Variants in PCDHGB6 observed in about 807,000 individuals in gnomAD.
The protein encoded by PCDHGB6 is protocadherin gamma-B6.
PCDHGB6 carries 51 observed loss-of-function variants against 59.1 expected under a neutral mutation model. The ratio of observed to expected loss-of-function variants is 0.86; its 90% CI spans 0.69 to 1.09. The LOEUF (loss-of-function observed/expected upper bound fraction) is 1.09. Ranked by LOEUF, PCDHGB6 falls within the 50% of genes least tolerant of loss-of-function variation. The pLI is 0.00. For missense variants in PCDHGB6, 1,148 were observed against 1,205.1 expected, an observed-to-expected ratio of 0.95 and a Z score of 0.70; for synonymous variants, 466 against 495.1, an observed-to-expected ratio of 0.94 and a Z score of 0.78.
chr5:141,506,165 C>T (rs1359711670), intron 3 of PCDHGB6, among the ~76,000 whole-genome samples: 8 of 152,038 alleles, frequency 5.3e-5, no homozygotes, highest in South Asian at 2.1e-4. Context: ...AAGAGCACAG[C>T]CTAAGCTGGG....
chr5:141,460,741 A>C (rs1378900827), intron 1 of PCDHGB6, among the ~76,000 whole-genome samples: 1 of 152,128 alleles, frequency 6.6e-6, no homozygotes, highest in African/African-American at 2.4e-5. Flanking sequence ...CACATTGTAT[A>C]TATATGTGTA....
rs2097461148 is a variant in PCDHGB6 at position 141,432,174 on chromosome 5, T to C, written c.2418+21554T>C. ...AACAATCCCAGAGGAGTTTCCCTCGTCTCTGTGACCGCCCACGACCCCGAC... is the reference window on the plus strand; with the variant it reads ...AACAATCCCAGAGGAGTTTCCCTCGCCTCTGTGACCGCCCACGACCCCGAC... On this transcript the variant is annotated intron_variant, in intron 1 of 3. Transcript: ENST00000520790. The surrounding 1 kb of genome is among the most constrained non-coding windows in gnomAD (Gnocchi z 6.0). 1 of 1,614,088 alleles carries C rather than the reference T, an allele frequency of 6.2e-7. No homozygotes were observed. Among genetic ancestry groups the C allele is most frequent in the Non-Finnish European group, 8.5e-7 (1 of 1,180,022 alleles).
chr5:141,423,241 G>A (rs1485226833), intron 1 of PCDHGB6: 19 of 1,613,954 alleles, frequency 1.2e-5, no homozygotes, highest in Non-Finnish European at 1.4e-5. Flanking sequence ...CATCCCCGAA[G>A]TCCTGGCGGA....
At chr5:141,450,006 CTTTTTTT>C (rs1554136305) in intron 1 of PCDHGB6, among the ~76,000 whole-genome samples, 12 of 132,986 alleles carry the variant, frequency 9.0e-5, no homozygotes, top group Non-Finnish European at 1.7e-4. Context: ...TGCCATGTCT[CTTTTTTT>C]TTTTTTTTTT....
intron 1 of PCDHGB6, among the ~76,000 whole-genome samples, chr5:141,460,628 G>C (rs2098993821): frequency 6.6e-6 from 1 of 151,958 alleles, no homozygotes; most frequent in African/African-American, 2.4e-5. Flanking sequence ...GACAGATACA[G>C]ATATATAACT....
At chr5:141,462,990 A>G (rs181384059) in intron 1 of PCDHGB6, among the ~76,000 whole-genome samples, 1 of 152,126 alleles carries the variant, frequency 6.6e-6, no homozygotes, top group Non-Finnish European at 1.5e-5. Flanking sequence ...GCCTTGGGCT[A>G]ATTTAGACCT....
At chr5:141,469,807 T>C (rs1294838215) in intron 1 of PCDHGB6, among the ~76,000 whole-genome samples, 1 of 152,070 alleles carries the variant, frequency 6.6e-6, no homozygotes, top group African/African-American at 2.4e-5. Context: ...AAAAACATTG[T>C]AGATAGAATG....
chr5:141,511,358 G>T lies in PCDHGB6; in HGVS notation c.*185G>T, dbSNP rs905197337. 1.5e-6 allele frequency: 2 copies of T among 1,355,398 alleles called. No homozygotes were observed. Among genetic ancestry groups the T allele is most frequent in the East Asian group, 2.5e-5 (1 of 39,588 alleles). The allele number at this position is 1,355,398 out of a possible 1,614,324, so 84.0% of individuals were successfully genotyped here. ...GCACCTACCCCTTCCCCCCCAGGGGGTTGAATATGCAAAAGCAGTTCCGCT... is the reference window on the plus strand; with the variant it reads ...GCACCTACCCCTTCCCCCCCAGGGGTTTGAATATGCAAAAGCAGTTCCGCT... On this transcript the variant is annotated 3_prime_UTR_variant, in exon 4 of 4. Coordinates refer to ENST00000520790, the MANE Select transcript of PCDHGB6 (RefSeq NM_018926.3).
chr5:141,485,609 G>T lies in PCDHGB6; in HGVS notation c.2419-9198G>T. On this transcript the variant is annotated intron_variant, in intron 1 of 3. Coordinates refer to ENST00000520790, the MANE Select transcript of PCDHGB6 (RefSeq NM_018926.3). The surrounding 1 kb of genome is among the most constrained non-coding windows in gnomAD (Gnocchi z 5.7). ...GCTGGACTTGGAAATTGGGGAGGCA[G>T]CTCCTCCAGGACAGCGTTTCCCGTT... The T allele has an allele frequency of 6.2e-7, 1 of 1,612,256 alleles. No homozygotes were observed. Among genetic ancestry groups the T allele is most frequent in the Non-Finnish European group, 8.5e-7 (1 of 1,178,656 alleles).
chr5:141,489,271 G>A lies in PCDHGB6; in HGVS notation c.2419-5536G>A, dbSNP rs1431562179. The A allele has an allele frequency of 2.4e-5, 37 of 1,554,676 alleles. No individual in the cohort carries two copies. The highest frequency in any genetic ancestry group is 3.0e-5 in the Non-Finnish European group (35 of 1,150,770). ...GCCCAAGACACTCCCACAGCTCGCT[G>A]GGAAATGGCAAGTGCTGTGCATGTT... On this transcript the variant is annotated intron_variant, in intron 1 of 3. Transcript: ENST00000520790. The surrounding 1 kb of genome is among the most constrained non-coding windows in gnomAD (Gnocchi z 4.5).
At position 141,433,069 on chromosome 5, in the gene PCDHGB6, C is replaced by G. The variant is rs561950316; in HGVS notation, c.2418+22449C>G. The G allele has an allele frequency of 3.1e-6, 5 of 1,614,200 alleles. No homozygotes were observed. In the Admixed American group the frequency reaches 8.3e-5, roughly 27 times the overall value. Reference sequence around the variant, plus strand: ...ACTCGCGGAAGAGTCACCTGATCTTCCCCCAGCCCAACTATGCAGACATGC... The same window carrying G: ...ACTCGCGGAAGAGTCACCTGATCTTGCCCCAGCCCAACTATGCAGACATGC... On this transcript the variant is annotated intron_variant, in intron 1 of 3. Coordinates refer to ENST00000520790, the MANE Select transcript of PCDHGB6 (RefSeq NM_018926.3).
chr5:141,464,680 A>T (rs747974832), intron 1 of PCDHGB6, among the ~76,000 whole-genome samples: 1 of 152,144 alleles, frequency 6.6e-6, no homozygotes, highest in African/African-American at 2.4e-5. Context: ...TTTTAATTAA[A>T]ATTTCTCTTA....
chr5:141,497,385 C>T (rs2154592097), intron 2 of PCDHGB6, among the ~76,000 whole-genome samples: 1 of 152,212 alleles, frequency 6.6e-6, no homozygotes, highest in African/African-American at 2.4e-5. Flanking sequence ...GGGGTGAGCA[C>T]CTTACCCCTG....
chr5:141,453,050 C>A (rs2098754757), intron 1 of PCDHGB6, among the ~76,000 whole-genome samples: 3 of 152,006 alleles, frequency 2.0e-5, no homozygotes, highest in Non-Finnish European at 4.4e-5. Context: ...CTATTATGTG[C>A]AGTTTTAGAG....
chr5:141,426,848 C>A (rs1379697529), intron 1 of PCDHGB6: 1 of 456,670 alleles, frequency 2.2e-6, no homozygotes, highest in Non-Finnish European at 4.4e-6. Context: ...AAGGCAAGAA[C>A]GCTCCAGAAT....
At chr5:141,452,256 C>T (rs533770410) in intron 1 of PCDHGB6, among the ~76,000 whole-genome samples, 1 of 152,298 alleles carries the variant, frequency 6.6e-6, no homozygotes, top group African/African-American at 2.4e-5. Flanking sequence ...CCATAACTCT[C>T]TCATTTTCTT....
At chr5:141,480,927 C>T (rs1562083028) in intron 1 of PCDHGB6, among the ~76,000 whole-genome samples, 1 of 152,090 alleles carries the variant, frequency 6.6e-6, no homozygotes, top group Non-Finnish European at 1.5e-5. Context: ...TACCTGTAGT[C>T]CCAGCTACTC....
rs374229757 is a variant in PCDHGB6, at chr5:141,491,437, C to T, written c.2419-3370C>T. 4 of 1,613,978 alleles carry T rather than the reference C, an allele frequency of 2.5e-6. No homozygotes were observed. Among genetic ancestry groups the T allele is most frequent in the Admixed American group, 3.3e-5 (2 of 60,004 alleles). ...CGGGGGTGGAGGGCAGTGCTGCAGG[C>T]GCCAGGACTCACCCTCCCCGGACTT... On this transcript the variant is annotated intron_variant, in intron 1 of 3. Coordinates refer to ENST00000520790, the MANE Select transcript of PCDHGB6 (RefSeq NM_018926.3). This position sits in a 1 kb window ranked among gnomAD's most constrained non-coding sequence, Gnocchi z 6.9.
chr5:141,510,069 CCAGCAGAGTGCCTGG>C (rs994886462), intron 3 of PCDHGB6, among the ~76,000 whole-genome samples: 12 of 152,260 alleles, frequency 7.9e-5, no homozygotes, highest in Admixed American at 7.8e-4. Context: ...TGTGAAGCAT[CCAGCAGAGTGCCTGG>C]CACACAGTAG....
Sources: allele counts gnomAD v4.1 joint callset (sites outside exome capture counted in the v4.1 genomes callset), GRCh38; gene constraint gnomAD v4.1.1; non-coding constraint Gnocchi (gnomAD v3.1); transcripts MANE v1.5; gene names NCBI Gene and HGNC (gene_info 2026-07-23, HGNC 2026-07-21).